SERINC4: variants seen among roughly 807,000 people sequenced by gnomAD.
SERINC4 encodes the protein serine incorporator 4.
In SERINC4, 52 loss-of-function variants were observed where a neutral mutation model predicts 52.0. The ratio of observed to expected loss-of-function variants is 1.00; its 90% confidence interval spans 0.80 to 1.26. The LOEUF (loss-of-function observed/expected upper bound fraction) is 1.26, where lower values mean the gene tolerates loss of function less well. Among genes scored for constraint, SERINC4 ranks in the 50% most tolerant of loss-of-function variants. The pLI is 0.00. For synonymous variants in SERINC4, 264 were observed against 247.7 expected (o/e 1.07, Z -0.62); for missense variants, 723 against 632.8 (o/e 1.14, Z -1.53).
At chr15:43,796,457 C>CA (rs999687371) in intron 8 of SERINC4, 159 bp downstream of exon 8, 2 of 834,154 alleles carry the variant, frequency 2.4e-6, no homozygotes, top group Admixed American at 5.1e-5. Context: ...GATCATCTGA[C>CA]AAAGTACTAT....
intron 3 of SERINC4, 94 bp downstream of exon 3, chr15:43,798,865 A>G (rs2087262305): frequency 1.6e-6 from 2 of 1,253,060 alleles, no homozygotes; most frequent in Non-Finnish European, 2.3e-6. Flanking sequence ...CTGTCTTTTT[A>G]CAGTGCTATT....
Position 43,799,439 on chromosome 15 carries a change from C to T in SERINC4, c.150G>A (p.Arg50=), listed in dbSNP as rs553026412. 41 of 1,550,748 alleles carry T rather than the reference C, an allele frequency of 2.6e-5. No individual in the cohort carries two copies. The South Asian group carries it at 3.8e-4, about 14-fold the overall frequency. The change falls in exon 2 of 12, where the codon AGG becomes AGA. Residue 50 remains arginine, a synonymous_variant. Transcript: ENST00000319327. ...AAGTGGATGCGGTGAGAGAGGGCCA[C>T]CTAGAGTGGCAGCAGCTGGCACAAG... ...PAPCASCCHS[R]WPSLTASTCS...
rs1018899637 is a variant in SERINC4 at position 43,796,762 on chromosome 15, G to A, written c.941-20C>T. On this transcript the variant is annotated intron_variant, in intron 7 of 11. Coordinates refer to ENST00000319327, the MANE Select transcript of SERINC4 (RefSeq NM_001258031.2). ...GGATTACTGGGAAGGGACAACAGAA[G>A]AGATGGGTATTAACAATGAGCTAGG... 5 of 1,614,180 alleles carry A rather than the reference G, an allele frequency of 3.1e-6. No homozygotes were observed. Among genetic ancestry groups the A allele is most frequent in the Non-Finnish European group, 4.2e-6 (5 of 1,180,030 alleles).
At position 43,795,502 on chromosome 15, in the gene SERINC4, G is replaced by A; in HGVS notation, c.1229C>T (p.Thr410Ile). Reference sequence around the variant, plus strand: ...GACTTGGACTGGAGGAGCTGGAGGGGTTTCTTGGTCAGCTGGCCTCGCAGC... The same window carrying A: ...GACTTGGACTGGAGGAGCTGGAGGGATTTCTTGGTCAGCTGGCCTCGCAGC... ...GGAARPADQE[T>I]PPAPPVQVQH... Residue 410 changes from threonine to isoleucine, a missense_variant, in exon 11 of 12, where the codon ACC (threonine) becomes ATC (isoleucine). Transcript: ENST00000319327. 1 of 1,614,210 alleles carries A rather than the reference G, an allele frequency of 6.2e-7. No homozygotes were observed.
At chr15:43,795,951 C>G in intron 9 of SERINC4, 4 of 639,928 alleles carry the variant, frequency 6.3e-6, no homozygotes, top group South Asian at 5.9e-5. Flanking sequence ...GGAGCAAATA[C>G]CTACCTCACA....
In SERINC4 at chr15:43,795,207, C is replaced by T; in HGVS notation, c.1350G>A (p.Glu450=). 2 of 1,614,076 alleles carry T rather than the reference C, an allele frequency of 1.2e-6. No homozygotes were observed. Among genetic ancestry groups the T allele is most frequent in the South Asian group, 1.1e-5 (1 of 91,064 alleles). Residue 450 remains glutamate (E), a synonymous_variant, in exon 12 of 12, where the codon GAG becomes GAA. Coordinates refer to ENST00000319327, the MANE Select transcript of SERINC4 (RefSeq NM_001258031.2). ...TGAAGGTCTTTTCCAGTTCTGCTCCCTCATAGCTGTGTAACCAAAGGCTCT... is the reference window on the plus strand; with the variant it reads ...TGAAGGTCTTTTCCAGTTCTGCTCCTTCATAGCTGTGTAACCAAAGGCTCT... ...MVTLTNWFSY[E]GAELEKTFIK...
At chr15:43,798,053 C>CTTT in intron 4 of SERINC4, 40 bp from the exon 5 acceptor site, 44 of 1,196,478 alleles carry the variant, frequency 3.7e-5, no homozygotes, top group Non-Finnish European at 4.3e-5. Flanking sequence ...CAAATTGTTA[C>CTTT]TTTTTTTTTT....
Position 43,798,025 on chromosome 15 carries a change from G to A in SERINC4, c.539-12C>T. The A allele has an allele frequency of 3.1e-6, 5 of 1,587,944 alleles. No individual in the cohort carries two copies. The highest frequency in any genetic ancestry group is 4.3e-6 in the Non-Finnish European group (5 of 1,161,310). On this transcript the variant is annotated splice_polypyrimidine_tract_variant and intron_variant, in intron 4 of 11. Transcript: ENST00000319327. The stretch of plus-strand genomic sequence containing the variant: ...AATGTAATGCCATGCTGCAAGATGG[G>A]CACCAGTGGAAAAATGTCAAATTGT...
intron 8 of SERINC4, 69 bp downstream of exon 8, chr15:43,796,547 T>C (rs146571162): frequency 1.8e-5 from 28 of 1,533,976 alleles, no homozygotes; most frequent in South Asian, 4.6e-5. Flanking sequence ...TCCCAGACAT[T>C]GTCCTGACCA....
chr15:43,797,504 T>A (rs1230899120), intron 5 of SERINC4, 148 bp from the exon 6 acceptor site: 1 of 615,974 alleles, frequency 1.6e-6, no homozygotes, highest in African/African-American at 1.9e-5. Flanking sequence ...GTGATTCTCC[T>A]ACCTCAGCCT....
At chr15:43,798,052 A>AC in intron 4 of SERINC4, 39 bp from the exon 5 acceptor site, 4 of 1,410,614 alleles carry the variant, frequency 2.8e-6, no homozygotes, top group South Asian at 2.6e-5. Flanking sequence ...TCAAATTGTT[A>AC]CTTTTTTTTT....
chr15:43,799,608 C>CT, intron 1 of SERINC4, 122 bp from the exon 2 acceptor site: 2 of 1,250,756 alleles, frequency 1.6e-6, no homozygotes, highest in Non-Finnish European at 1.1e-6. Flanking sequence ...CCCTTTCTTC[C>CT]TTTTACTCAG....
intron 8 of SERINC4, 45 bp from the exon 9 acceptor site, chr15:43,796,272 T>A: frequency 1.4e-6 from 2 of 1,459,668 alleles, no homozygotes; most frequent in Non-Finnish European, 1.9e-6. Context: ...TAAATAGGGA[T>A]TATCTGGGGG....
rs1178388686 is a variant in SERINC4 at position 43,799,950 on chromosome 15, A to AG, written c.36dup (p.Ser13LeufsTer38). On this transcript the variant is annotated frameshift_variant, in exon 1 of 12. Transcript: ENST00000319327. LOFTEE classifies it high-confidence loss of function. ...CTGTGCTGCTGTGCCAGGCCCAGGGAGGTGCCGGGGCTGGGGCCGGCCTTG... is the reference window on the plus strand; with the variant it reads ...CTGTGCTGCTGTGCCAGGCCCAGGGAGGGTGCCGGGGCTGGGGCCGGCCTTG... 6.5e-7 allele frequency: 1 copy of AG among 1,548,410 alleles called. No individual in the cohort carries two copies. The highest frequency in any genetic ancestry group is 1.4e-5 in the African/African-American group (1 of 72,934).
rs1567171789 is a variant in SERINC4, at chr15:43,797,280, C to G, written c.709G>C (p.Gly237Arg). The G allele has an allele frequency of 1.9e-6, 3 of 1,550,090 alleles. No homozygotes were observed. Among genetic ancestry groups the G allele is most frequent in the Non-Finnish European group, 2.6e-6 (3 of 1,146,976 alleles). Residue 237 changes from glycine to arginine, a missense_variant, in exon 6 of 12, where the codon GGT becomes CGT. Coordinates refer to ENST00000319327, the MANE Select transcript of SERINC4 (RefSeq NM_001258031.2). ...LATLGFYSMAGVGAVLLFHYY... is the reference protein window; with the variant it reads ...LATLGFYSMARVGAVLLFHYY... ...TGGAATAGGAGCACAGCTCCCACAC[C>G]TGCCATGCTGTAGAATCCTAGGGTG...
In SERINC4 at chr15:43,794,886, C is replaced by G. The variant is rs1185072402; in HGVS notation, c.*114G>C. The G allele has an allele frequency of 6.2e-6, 5 of 807,114 alleles. No homozygotes were observed. The highest frequency in any genetic ancestry group is 8.0e-6 in the Non-Finnish European group (4 of 500,926). 50.0% of individuals were successfully genotyped at this position (807,114 alleles called of 1,614,324 possible). On this transcript the variant is annotated 3_prime_UTR_variant, in exon 12 of 12. Coordinates refer to ENST00000319327, the MANE Select transcript of SERINC4 (RefSeq NM_001258031.2). ...TCCAGTTCATAGTATTGACTTCAGCCCAAACGGAGATAACTCCCTGTGTGT... is the reference window on the plus strand; with the variant it reads ...TCCAGTTCATAGTATTGACTTCAGCGCAAACGGAGATAACTCCCTGTGTGT...
chr15:43,799,476 C>A lies in SERINC4; in HGVS notation c.113G>T (p.Cys38Phe). ...VKSPFCQVCCCGPAPCASCCH... is the reference protein window; with the variant it reads ...VKSPFCQVCCFGPAPCASCCH... ...GCAGCTGGCACAAGGAGCAGGCCCACAGCAGCACACCTGGGAGTAGAGCAG... is the reference window on the plus strand; with the variant it reads ...GCAGCTGGCACAAGGAGCAGGCCCAAAGCAGCACACCTGGGAGTAGAGCAG... Residue 38 changes from cysteine to phenylalanine, a missense_variant, in exon 2 of 12, where the codon TGT (cysteine) becomes TTT (phenylalanine). Physicochemically the swap from Cys to Phe is radical, Grantham distance 205. Transcript: ENST00000319327. 2 of 1,550,808 alleles carry A rather than the reference C, an allele frequency of 1.3e-6. No individual in the cohort carries two copies. The highest frequency in any genetic ancestry group is 1.7e-6 in the Non-Finnish European group (2 of 1,147,042).
rs1377280028 is a variant in SERINC4 at position 43,796,170 on chromosome 15, G to A, written c.1125C>T (p.Tyr375=). 3.1e-6 allele frequency: 5 copies of A among 1,613,416 alleles called. No individual in the cohort carries two copies. The highest frequency in any genetic ancestry group is 1.7e-4 in the Middle Eastern group (1 of 6,058). Residue 375 remains tyrosine (Y), a synonymous_variant, in exon 9 of 12, where the codon TAC becomes TAT. Transcript: ENST00000319327. ...TTATCCTCACCTGAAACTCATAGCT[G>A]TAAACCTTGACAATCCACAGGGGTC... is the stretch of plus-strand genomic sequence containing the variant. The part of the protein sequence containing the change: ...VFGPLWIVKV[Y]SYEFQKPSLC...
In SERINC4 at chr15:43,795,676, C is replaced by G. The variant is rs2087197148; in HGVS notation, c.1189+12G>C. ...ATCTACCACTTCTTATGGTTCCTCA[C>G]TTGGCACTCACCTTTGTCTGCCTCC... On this transcript the variant is annotated intron_variant, in intron 10 of 11. Transcript: ENST00000319327. 1.2e-6 allele frequency: 2 copies of G among 1,613,776 alleles called. No individual in the cohort carries two copies. Among genetic ancestry groups the G allele is most frequent in the Admixed American group, 1.7e-5 (1 of 59,982 alleles).
Sources: gnomAD v4.1 joint callset for allele counts on GRCh38, gnomAD v4.1.1 for gene constraint, MANE v1.5 for transcripts, NCBI Gene and HGNC (gene_info 2026-07-23, HGNC 2026-07-21) for gene names.